The following MEF2C variants were observed in gnomAD, a reference collection of about 807,000 sequenced individuals.
MEF2C encodes myocyte-specific enhancer factor 2C.
Under a neutral mutation model 50.5 loss-of-function variants are expected in MEF2C, and 6 were observed. The observed-to-expected ratio is 0.12, with a 90% CI of 0.07 to 0.23. The LOEUF (loss-of-function observed/expected upper bound fraction) is 0.23, where lower values mean the gene tolerates loss of function less well. Among genes scored for constraint, MEF2C ranks in the 10% least tolerant of loss-of-function variants. The pLI, the probability that MEF2C is intolerant of heterozygous loss-of-function variation, is 1.00. For synonymous variants in MEF2C, 183 were observed against 228.0 expected (o/e 0.80, Z 1.78); for missense variants, 276 against 605.0 (o/e 0.46, Z 5.70).
At chr5:88,876,553 T>C (rs1048769362) in intron 1 of MEF2C, among the ~76,000 whole-genome samples, 1 of 152,014 alleles carries the variant, frequency 6.6e-6, no homozygotes, top group Non-Finnish European at 1.5e-5. Flanking sequence ...GTTTATTAAG[T>C]AGCAGACAAA....
At chr5:88,793,127 C>T (rs1794533031) in intron 3 of MEF2C, among the ~76,000 whole-genome samples, 1 of 152,064 alleles carries the variant, frequency 6.6e-6, no homozygotes, top group Non-Finnish European at 1.5e-5. Flanking sequence ...AGATAGAACA[C>T]ATGATGACTG....
intron 3 of MEF2C, among the ~76,000 whole-genome samples, chr5:88,799,868 T>TA (rs1562104661): frequency 2.4e-4 from 23 of 95,238 alleles, no homozygotes; most frequent in African/African-American, 8.7e-4. Context: ...TCTCTCTCTC[T>TA]CTCACACACA....
rs184965896 is a variant in MEF2C at position 88,810,434 on chromosome 5, T to A, written c.55-5633A>T. 3.3e-3 allele frequency among the ~76,000 whole-genome samples: 503 copies of A among 152,116 alleles called. 2 individuals carry two copies. Among genetic ancestry groups the A allele is most frequent in the Non-Finnish European group, 5.8e-3 (396 of 67,952 alleles). Reference sequence around the variant, plus strand: ...TTATCCCTTGCCTGGATAAAAAAGATGAAAGATAAAAAAGTCTGAAGATAA... The same window carrying A: ...TTATCCCTTGCCTGGATAAAAAAGAAGAAAGATAAAAAAGTCTGAAGATAA... On this transcript the variant is annotated intron_variant, in intron 2 of 10. Transcript: ENST00000504921.
intron 1 of MEF2C, among the ~76,000 whole-genome samples, chr5:88,848,158 A>T (rs1001945171): frequency 7.2e-5 from 11 of 152,204 alleles, no homozygotes; most frequent in African/African-American, 2.7e-4. Context: ...AAGATGATAT[A>T]GAATAATTTG....
intron 1 of MEF2C, among the ~76,000 whole-genome samples, chr5:88,856,971 T>G (rs1474840229): frequency 3.3e-5 from 5 of 152,194 alleles, no homozygotes; most frequent in Admixed American, 3.3e-4. Flanking sequence ...GATCCCAGAA[T>G]GGTAGATCCA....
At chr5:88,736,723 A>G in intron 6 of MEF2C, 1 of 985,368 alleles carries the variant, frequency 1.0e-6, no homozygotes, top group Non-Finnish European at 1.2e-6. Context: ...TTTTTCATAC[A>G]TGAGTGCTTA....
intron 1 of MEF2C, among the ~76,000 whole-genome samples, chr5:88,848,279 G>C (rs1820037653): frequency 6.6e-6 from 1 of 152,076 alleles, no homozygotes; most frequent in Non-Finnish European, 1.5e-5. Flanking sequence ...AGTTATAGTG[G>C]CCAAAACCAT....
chr5:88,889,462 C>G (rs1056684533), intron 1 of MEF2C: 1 of 151,900 alleles, frequency 6.6e-6, no homozygotes, highest in Non-Finnish European at 1.5e-5. Flanking sequence ...TTCTAGAGCT[C>G]GGAGGCTGCT....
chr5:88,842,059 T>C (rs1478965398), intron 1 of MEF2C, among the ~76,000 whole-genome samples: 1 of 152,240 alleles, frequency 6.6e-6, no homozygotes, highest in Non-Finnish European at 1.5e-5. Context: ...AGATCTTTCT[T>C]TAGTCAACCA....
At chr5:88,739,918 A>G (rs1042608395) in intron 6 of MEF2C, 3 of 985,240 alleles carry the variant, frequency 3.0e-6, no homozygotes, top group Non-Finnish European at 2.4e-6. Context: ...ATTCTTACAC[A>G]CAAAATAAAG....
intron 3 of MEF2C, among the ~76,000 whole-genome samples, chr5:88,800,711 C>T (rs1463936634): frequency 6.6e-6 from 1 of 152,200 alleles, no homozygotes; most frequent in African/African-American, 2.4e-5. Flanking sequence ...TTTCAACAGT[C>T]TGACAAGCTA....
At chr5:88,864,505 T>C (rs1170141890) in intron 1 of MEF2C, among the ~76,000 whole-genome samples, 1 of 151,278 alleles carries the variant, frequency 6.6e-6, no homozygotes, top group Non-Finnish European at 1.5e-5. Context: ...ATTTGTATAT[T>C]TGTAATATGT....
At chr5:88,833,990 T>C (rs1561260216) in intron 1 of MEF2C, among the ~76,000 whole-genome samples, 1 of 152,146 alleles carries the variant, frequency 6.6e-6, no homozygotes, top group Non-Finnish European at 1.5e-5. Context: ...AGGATGCACT[T>C]TGTAGTTATA....
At chr5:88,854,657 C>G (rs1581610013) in intron 1 of MEF2C, among the ~76,000 whole-genome samples, 1 of 152,164 alleles carries the variant, frequency 6.6e-6, no homozygotes, top group Non-Finnish European at 1.5e-5. Flanking sequence ...TTATGTGTAA[C>G]AGACTCATAC....
In MEF2C at chr5:88,901,884, A is replaced by G. The variant is rs1014961220; in HGVS notation, c.-240+2032T>C. Among the ~76,000 whole-genome samples, 3 of 152,086 alleles carry G rather than the reference A, an allele frequency of 2.0e-5. 1 individual carries two copies. The South Asian group carries it at 6.2e-4, about 32-fold the overall frequency. ...AATGATAAATTTTAGTTATTTTGAA[A>G]TATTTGAGCTATATTTAATATTATT... On this transcript the variant is annotated intron_variant, in intron 1 of 11. Transcript: ENST00000340208.
upstream of MEF2C, among the ~76,000 whole-genome samples, chr5:88,885,059 T>C (rs915783708): frequency 6.6e-6 from 1 of 151,974 alleles, no homozygotes; most frequent in South Asian, 2.1e-4. Flanking sequence ...GATTAGACAA[T>C]AGTATATTGA....
intron 1 of MEF2C, among the ~76,000 whole-genome samples, chr5:88,889,982 A>G (rs1184090490): frequency 1.3e-5 from 2 of 152,164 alleles, no homozygotes; most frequent in African/African-American, 2.4e-5. Flanking sequence ...CAAACCTGGG[A>G]GAGCAAGAGG....
intron 1 of MEF2C, among the ~76,000 whole-genome samples, chr5:88,861,865 T>C (rs1188789445): frequency 6.6e-6 from 1 of 152,246 alleles, no homozygotes; most frequent in African/African-American, 2.4e-5. Flanking sequence ...ATTGCATGTA[T>C]GATGTTAATG....
chr5:88,781,175 T>C (rs1580589639), intron 3 of MEF2C, among the ~76,000 whole-genome samples: 2 of 152,220 alleles, frequency 1.3e-5, no homozygotes, highest in African/African-American at 4.8e-5. Flanking sequence ...GAAATATACA[T>C]ACATTATATG....
Sources: gnomAD v4.1 joint callset for allele counts (sites outside exome capture counted in the v4.1 genomes callset) on GRCh38, gnomAD v4.1.1 for gene constraint, MANE v1.5 for transcripts, NCBI Gene and HGNC (gene_info 2026-07-23, HGNC 2026-07-21) for gene names.